Variants in ZNF529 observed in about 807,000 individuals in gnomAD.
ZNF529 encodes the protein zinc finger protein 529.
A neutral mutation model predicts 10.1 loss-of-function variants in ZNF529; 11 were observed. The observed-to-expected ratio is 1.09, with a 90% confidence interval of 0.69 to 1.81. ZNF529 has a LOEUF of 1.81. ZNF529 is among the 40% of genes most tolerant of loss of function. ZNF529 has a pLI of 0.00. For synonymous variants in ZNF529, 204 were observed against 215.7 expected (o/e 0.95, Z 0.47); for missense variants, 624 against 666.8 (o/e 0.94, Z 0.71).
upstream of ZNF529, among the ~76,000 whole-genome samples, chr19:36,574,510 G>A: frequency 6.6e-6 from 1 of 152,072 alleles, no homozygotes; most frequent in Non-Finnish European, 1.5e-5. Context: ...GAATGCCCTG[G>A]CCAAGAGGAG....
At chr19:36,582,295 G>A (rs1417587850) in intron 2 of ZNF529, 1 of 152,020 alleles carries the variant, frequency 6.6e-6, no homozygotes, top group Non-Finnish European at 1.5e-5. Context: ...TAGTTAAGAT[G>A]GTAAATTTTA....
At chr19:36,596,002 C>T (rs756304188) in intron 1 of ZNF529, among the ~76,000 whole-genome samples, 84 of 148,830 alleles carry the variant, frequency 5.6e-4, no homozygotes, top group Admixed American at 1.3e-3. Flanking sequence ...CCAATGATGA[C>T]TGAATTTGTC....
chr19:36,576,846 A>C (rs561285211), upstream of ZNF529, among the ~76,000 whole-genome samples: 1 of 152,046 alleles, frequency 6.6e-6, no homozygotes, highest in African/African-American at 2.4e-5. Flanking sequence ...TTTTATACAG[A>C]TAGTGATTTG....
chr19:36,554,349 T>C (rs1214150419), intron 4 of ZNF529, among the ~76,000 whole-genome samples: 3 of 152,010 alleles, frequency 2.0e-5, no homozygotes, highest in Non-Finnish European at 4.4e-5. Flanking sequence ...GAGGCCAAGG[T>C]GGGCGAATCA....
In ZNF529 at chr19:36,546,836, A is replaced by G; in HGVS notation, c.*30T>C. 5 of 1,568,764 alleles carry G rather than the reference A, an allele frequency of 3.2e-6. No individual in the cohort carries two copies. The highest frequency in any genetic ancestry group is 4.3e-6 in the Non-Finnish European group (5 of 1,159,290). Reference sequence around the variant, plus strand: ...TCCACAGTATTTTCCTGTGAAAATCAGAAATAAAAAACCACTTTATACATT... The same window carrying G: ...TCCACAGTATTTTCCTGTGAAAATCGGAAATAAAAAACCACTTTATACATT... On this transcript the variant is annotated 3_prime_UTR_variant, in exon 5 of 5. Coordinates refer to ENST00000591340, the MANE Select transcript of ZNF529 (RefSeq NM_020951.5).
chr19:36,597,340 G>A (rs1001765602), intron 1 of ZNF529, among the ~76,000 whole-genome samples: 2 of 151,182 alleles, frequency 1.3e-5, no homozygotes, highest in African/African-American at 4.9e-5. Context: ...TTATTTTATT[G>A]GTCAAATAAT....
intron 1 of ZNF529, among the ~76,000 whole-genome samples, chr19:36,589,887 A>G (rs944311241): frequency 7.9e-5 from 12 of 152,204 alleles, no homozygotes; most frequent in African/African-American, 2.4e-4. Flanking sequence ...GTGAATTTCA[A>G]AGGATCAAAA....
chr19:36,598,745 C>T (rs1217071255), intron 1 of ZNF529, among the ~76,000 whole-genome samples: 1 of 152,168 alleles, frequency 6.6e-6, no homozygotes, highest in Admixed American at 6.6e-5. Flanking sequence ...CAACAAATCA[C>T]TCCCATGGCA....
At chr19:36,595,423 G>A (rs963264250) in intron 1 of ZNF529, among the ~76,000 whole-genome samples, 2 of 152,166 alleles carry the variant, frequency 1.3e-5, no homozygotes, top group African/African-American at 4.8e-5. Flanking sequence ...AAGTAAGCCA[G>A]GTGCAGTGAC....
chr19:36,553,452 T>C (rs1037001915), intron 4 of ZNF529, among the ~76,000 whole-genome samples: 43 of 152,074 alleles, frequency 2.8e-4, no homozygotes, highest in African/African-American at 1.0e-3. Flanking sequence ...GAGTCAATTA[T>C]GTAAAGTGCT....
At chr19:36,592,250 A>G (rs2036736583) in intron 1 of ZNF529, among the ~76,000 whole-genome samples, 1 of 146,092 alleles carries the variant, frequency 6.8e-6, no homozygotes, top group South Asian at 2.2e-4. Flanking sequence ...ATGCCACTGC[A>G]CTGCAGCCTG....
intron 1 of ZNF529, among the ~76,000 whole-genome samples, chr19:36,604,238 T>C (rs2036980710): frequency 6.6e-6 from 1 of 152,132 alleles, no homozygotes; most frequent in Admixed American, 6.5e-5. Context: ...CTCAATATCA[T>C]ATCTTCCCAG....
upstream of ZNF529, among the ~76,000 whole-genome samples, chr19:36,578,292 T>C (rs12975914): frequency 2.3e-4 from 2 of 8,630 alleles, no homozygotes; most frequent in East Asian, 1.0e-3. Context: ...TCTTGATCTC[T>C]TTTTTTTTTT....
chr19:36,579,304 A>C (rs2036412011), intron 2 of ZNF529, among the ~76,000 whole-genome samples: 2 of 152,246 alleles, frequency 1.3e-5, no homozygotes, highest in Admixed American at 6.5e-5. Flanking sequence ...GAAAGTTGGC[A>C]TGGCTATAGT....
At position 36,567,086 on chromosome 19, in the gene ZNF529, C is replaced by A. The variant is rs183491783; in HGVS notation, c.14+5247G>T. On this transcript the variant is annotated intron_variant, in intron 2 of 4. Coordinates refer to ENST00000591340, the MANE Select transcript of ZNF529 (RefSeq NM_020951.5). ...ACAAAGCTGGAAGACTGATATTTCC[C>A]AATTCAGAACTGACTATAAAACCAC... Among the ~76,000 whole-genome samples the A allele has an allele frequency of 3.2e-4, 49 of 151,940 alleles. 2 individuals carry two copies. Among genetic ancestry groups the A allele is most frequent in the Admixed American group, 3.2e-3 (49 of 15,248 alleles).
chr19:36,547,501 G>C lies in ZNF529; in HGVS notation c.1057C>G (p.Leu353Val). Residue 353 changes from leucine to valine, a missense_variant, in exon 5 of 5, where the codon CTC (leucine) becomes GTC (valine). Leu to Val is a conservative substitution (Grantham distance 32). Coordinates refer to ENST00000591340, the MANE Select transcript of ZNF529 (RefSeq NM_020951.5). ...CEKVFRISSQ[L>V]IEHQRIHTGE... Reference sequence around the variant, plus strand: ...GTGTGAATTCTCTGATGTTCAATGAGCTGTGAACTAATTCTAAAAACCTTC... The same window carrying C: ...GTGTGAATTCTCTGATGTTCAATGACCTGTGAACTAATTCTAAAAACCTTC... 1 of 1,613,390 alleles carries C rather than the reference G, an allele frequency of 6.2e-7. No individual in the cohort carries two copies. Among genetic ancestry groups the C allele is most frequent in the Non-Finnish European group, 8.5e-7 (1 of 1,179,404 alleles).
chr19:36,599,697 T>G (rs1240029323), intron 1 of ZNF529, among the ~76,000 whole-genome samples: 1 of 152,164 alleles, frequency 6.6e-6, no homozygotes, highest in Non-Finnish European at 1.5e-5. Flanking sequence ...CTGCATTAAT[T>G]CCATCATCAG....
intron 2 of ZNF529, among the ~76,000 whole-genome samples, chr19:36,587,019 CT>C (rs1388511607): frequency 6.6e-6 from 1 of 152,066 alleles, no homozygotes; most frequent in African/African-American, 2.4e-5. Flanking sequence ...AATCCCAACA[CT>C]TTGGGAGGCT....
intron 2 of ZNF529, among the ~76,000 whole-genome samples, chr19:36,571,090 T>G (rs748076060): frequency 3.9e-5 from 6 of 152,240 alleles, no homozygotes; most frequent in Non-Finnish European, 7.3e-5. Flanking sequence ...CCTTTAATTT[T>G]AATTAACTTA....
Sources: gnomAD v4.1 joint callset for allele counts (sites outside exome capture counted in the v4.1 genomes callset) on GRCh38, gnomAD v4.1.1 for gene constraint, MANE v1.5 for transcripts, NCBI Gene and HGNC (gene_info 2026-07-23, HGNC 2026-07-21) for gene names.